Variants in FSTL4 observed in about 807,000 individuals in gnomAD.
The protein encoded by FSTL4 is follistatin like 4.
A neutral mutation model predicts 78.2 loss-of-function variants in FSTL4; 28 were observed. That is an observed-to-expected ratio of 0.36 (90% CI 0.27 to 0.49). The LOEUF (loss-of-function observed/expected upper bound fraction) is 0.49. Ranked by LOEUF, FSTL4 falls within the 20% of genes least tolerant of loss-of-function variation. The pLI, the probability that FSTL4 is intolerant of heterozygous loss-of-function variation, is 0.98. For synonymous variants in FSTL4, 422 were observed against 440.5 expected, an observed-to-expected ratio of 0.96 and a Z score of 0.53; for missense variants, 922 against 1,084.9, an observed-to-expected ratio of 0.85 and a Z score of 2.11.
At chr5:133,312,362 A>G (rs922056483) in intron 6 of FSTL4, 4 of 368,490 alleles carry the variant, frequency 1.1e-5, no homozygotes, top group African/African-American at 8.3e-5. Flanking sequence ...AGAACCCCCA[A>G]AGGGTGTTCA....
At chr5:133,487,535 T>C (rs748441225) in intron 3 of FSTL4, among the ~76,000 whole-genome samples, 4 of 152,208 alleles carry the variant, frequency 2.6e-5, no homozygotes, top group Non-Finnish European at 5.9e-5. Context: ...AGCCTCAGGC[T>C]TTCATTTATT....
intron 2 of FSTL4, chr5:133,583,178 G>A: frequency 2.2e-6 from 1 of 445,578 alleles, no homozygotes; most frequent in Non-Finnish European, 4.5e-6. Context: ...CATTCCCACT[G>A]GGTTTCCTGA....
chr5:133,514,182 G>A (rs823760), intron 3 of FSTL4, among the ~76,000 whole-genome samples: 63,380 of 116,490 alleles, frequency 0.54, 14,874 homozygotes, highest in East Asian at 0.59. Flanking sequence ...CCGTCTCAAT[G>A]ATAATAATAA....
At chr5:133,497,483 G>A (rs1580747045) in intron 3 of FSTL4, among the ~76,000 whole-genome samples, 1 of 152,202 alleles carries the variant, frequency 6.6e-6, no homozygotes, top group South Asian at 2.1e-4. Flanking sequence ...AGGGGCAGGA[G>A]AAGCCTCTGC....
At chr5:133,427,294 AG>A (rs1365652619) in intron 3 of FSTL4, among the ~76,000 whole-genome samples, 1 of 152,196 alleles carries the variant, frequency 6.6e-6, no homozygotes, top group Admixed American at 6.5e-5. Flanking sequence ...AGTAACTGGA[AG>A]GGTGCCTTGT....
chr5:133,697,751 GGTCACCACTTTCCCAACCTCAC>G, the FSTL4 span, among the ~76,000 whole-genome samples: 1 of 152,164 alleles, frequency 6.6e-6, no homozygotes, highest in Non-Finnish European at 1.5e-5. Flanking sequence ...CCCAAGGAAG[GGTCACCACTTTCCCAACCTCAC>G]GTGAGACTAT....
intron 3 of FSTL4, among the ~76,000 whole-genome samples, chr5:133,454,628 G>T (rs150766896): frequency 7.0e-4 from 106 of 152,328 alleles, no homozygotes; most frequent in African/African-American, 2.4e-3. Flanking sequence ...TCACACGTTA[G>T]CTGGGAACAT....
the FSTL4 span, among the ~76,000 whole-genome samples, chr5:133,755,902 T>C: frequency 2.0e-5 from 3 of 152,238 alleles, no homozygotes; most frequent in African/African-American, 4.8e-5. Context: ...AGCTGTTTGG[T>C]CACTGTCATT....
intron 3 of FSTL4, among the ~76,000 whole-genome samples, chr5:133,508,148 T>C (rs1267052047): frequency 6.6e-6 from 1 of 152,198 alleles, no homozygotes; most frequent in African/African-American, 2.4e-5. Context: ...ATCTGTTAAA[T>C]GGGGATTAGA....
At chr5:133,336,170 G>C (rs1027478452) in intron 4 of FSTL4, among the ~76,000 whole-genome samples, 1 of 152,218 alleles carries the variant, frequency 6.6e-6, no homozygotes, top group African/African-American at 2.4e-5. Flanking sequence ...TGAGGCCCTG[G>C]AACTGTCCCT....
chr5:133,832,123 G>C, the FSTL4 span, among the ~76,000 whole-genome samples: 1 of 152,218 alleles, frequency 6.6e-6, no homozygotes, highest in Non-Finnish European at 1.5e-5. Context: ...GAAGCTGGTG[G>C]AGGGGTTTAT....
chr5:133,541,200 A>G (rs1397387130), intron 3 of FSTL4, among the ~76,000 whole-genome samples: 1 of 152,218 alleles, frequency 6.6e-6, no homozygotes, highest in Non-Finnish European at 1.5e-5. Flanking sequence ...TGTAGGTCAG[A>G]TATCTGGGGA....
chr5:133,467,093 A>AGT lies in FSTL4; in HGVS notation c.161-66109_161-66108dup, dbSNP rs36073786. On this transcript the variant is annotated intron_variant, in intron 3 of 15. Coordinates refer to ENST00000265342, the MANE Select transcript of FSTL4 (RefSeq NM_015082.2). ...GTGCATGTGTATGTGTGAGTGTAAG[A>AGT]GTGTGTGTGTATATATGTCTGAATA... Among the ~76,000 whole-genome samples, 35 of 150,544 alleles carry AGT rather than the reference A, an allele frequency of 2.3e-4. 2 individuals carry two copies. The highest frequency in any genetic ancestry group is 2.1e-3 in the Admixed American group (32 of 15,150).
At chr5:133,394,510 G>A (rs751201369) in intron 4 of FSTL4, among the ~76,000 whole-genome samples, 10 of 152,230 alleles carry the variant, frequency 6.6e-5, no homozygotes, top group East Asian at 1.9e-4. Context: ...CAGCAGCTGC[G>A]GAGGGTGCGC....
At chr5:133,397,532 G>A (rs930773695) in intron 4 of FSTL4, among the ~76,000 whole-genome samples, 5 of 152,236 alleles carry the variant, frequency 3.3e-5, no homozygotes, top group Non-Finnish European at 7.3e-5. Context: ...ATAGCAACTG[G>A]AATGTGATAC....
the FSTL4 span, among the ~76,000 whole-genome samples, chr5:133,710,432 CCT>C: frequency 6.6e-6 from 1 of 152,156 alleles, no homozygotes; most frequent in African/African-American, 2.4e-5. Context: ...AGTAGTACCC[CCT>C]GTCACTCAAG....
chr5:133,219,901 A>T (rs1751036371), intron 12 of FSTL4, among the ~76,000 whole-genome samples: 1 of 152,256 alleles, frequency 6.6e-6, no homozygotes, highest in Admixed American at 6.5e-5. Flanking sequence ...ATATGGAAGG[A>T]ACATTGATGG....
chr5:133,240,124 C>T (rs1751797430), intron 7 of FSTL4, among the ~76,000 whole-genome samples: 1 of 152,248 alleles, frequency 6.6e-6, no homozygotes, highest in South Asian at 2.1e-4. Flanking sequence ...TGCAGCTGCA[C>T]TTCTGAAGCC....
chr5:133,808,579 C>A, the FSTL4 span, among the ~76,000 whole-genome samples: 1 of 152,158 alleles, frequency 6.6e-6, no homozygotes, highest in East Asian at 1.9e-4. Flanking sequence ...AAAATAAAAT[C>A]AAAAAATTAA....
Sources: allele counts gnomAD v4.1 joint callset (sites outside exome capture counted in the v4.1 genomes callset), GRCh38; gene constraint gnomAD v4.1.1; transcripts MANE v1.5; gene names NCBI Gene and HGNC (gene_info 2026-07-23, HGNC 2026-07-21).